Variants in AKT1 observed in about 807,000 individuals in gnomAD.
AKT1 encodes the protein RAC-alpha serine/threonine-protein kinase.
A neutral mutation model predicts 63.1 loss-of-function variants in AKT1; 21 were observed. That is an observed-to-expected ratio of 0.33 (90% CI 0.24 to 0.48). The LOEUF (loss-of-function observed/expected upper bound fraction) is 0.48. AKT1 is among the 20% of genes least tolerant of loss of function. AKT1 has a pLI of 0.99. For missense variants in AKT1, 382 were observed against 666.0 expected, an observed-to-expected ratio of 0.57 and a Z score of 4.69; for synonymous variants, 257 against 253.1, an observed-to-expected ratio of 1.02 and a Z score of -0.15.
chr14:104,782,413 G>A (rs975997002), intron 3 of AKT1, among the ~76,000 whole-genome samples: 1 of 151,812 alleles, frequency 6.6e-6, no homozygotes. Context: ...CTGCCCCCGA[G>A]CACGCAGCTC....
At position 104,769,650 on chromosome 14, in the gene AKT1, G is replaced by T. The variant is rs1173097222; in HGVS notation, c.*691C>A. On this transcript the variant is annotated 3_prime_UTR_variant, in exon 15 of 15. Coordinates refer to ENST00000649815, the MANE Select transcript of AKT1 (RefSeq NM_001382430.1). ...AACTGTGACACAGAAGGGGAAGGGG[G>T]AGGGCTTTCCTGTCACAAAGATTAA... is the stretch of plus-strand genomic sequence containing the variant. The T allele has an allele frequency of 2.0e-6, 1 of 495,280 alleles. No homozygotes were observed. The highest frequency in any genetic ancestry group is 3.9e-6 in the Non-Finnish European group (1 of 258,156). 30.7% of individuals were successfully genotyped at this position (495,280 alleles called of 1,614,324 possible).
Position 104,770,847 on chromosome 14 carries a change from G to A in AKT1, c.1261C>T (p.Leu421Phe), listed in dbSNP as rs1566815164. 6.2e-7 allele frequency: 1 copy of A among 1,613,848 alleles called. No homozygotes were observed. Among genetic ancestry groups the A allele is most frequent in the Non-Finnish European group, 8.5e-7 (1 of 1,179,832 alleles). ...IVWQHVYEKKLSPPFKPQVTS... is the reference protein window; with the variant it reads ...IVWQHVYEKKFSPPFKPQVTS... The stretch of plus-strand genomic sequence containing the variant: ...ACCTGGGGCTTGAAGGGTGGGCTGA[G>A]CTGCAGAGGTGGGCAGACGGGACAG... Residue 421 changes from leucine to phenylalanine, a missense_variant and splice_region_variant, in exon 14 of 15, where the codon CTC becomes TTC. Physicochemically the swap from Leu to Phe is conservative, Grantham distance 22. Coordinates refer to ENST00000649815, the MANE Select transcript of AKT1 (RefSeq NM_001382430.1).
chr14:104,786,850 C>G (rs1183345497), intron 3 of AKT1, among the ~76,000 whole-genome samples: 1 of 152,206 alleles, frequency 6.6e-6, no homozygotes, highest in Admixed American at 6.5e-5. Context: ...CTGCTGTGCC[C>G]CTGGCCCCAG....
chr14:104,775,081 C>T lies in AKT1; in HGVS notation c.562G>A (p.Ala188Thr), dbSNP rs144128670. Residue 188 changes from alanine (A) to threonine (T), a missense_variant, in exon 7 of 15, where the codon GCC (alanine) becomes ACC (threonine). Physicochemically the swap from Ala to Thr is moderately conservative, Grantham distance 58. This residue lies in a region of AKT1 where 226 missense variants were observed against 366.4 expected (regional missense o/e 0.62). Transcript: ENST00000649815. ...MKILKKEVIVAKDEVAHTLTE... is the reference protein window; with the variant it reads ...MKILKKEVIVTKDEVAHTLTE... Reference sequence around the variant, plus strand: ...CCCCACCGCCCCGGCCCCACCTTGGCCACGATGACTTCCTTCTTGAGGATC... The same window carrying T: ...CCCCACCGCCCCGGCCCCACCTTGGTCACGATGACTTCCTTCTTGAGGATC... The T allele has an allele frequency of 1.2e-6, 2 of 1,613,822 alleles. No homozygotes were observed. Among genetic ancestry groups the T allele is most frequent in the Non-Finnish European group, 1.7e-6 (2 of 1,180,018 alleles).
intron 13 of AKT1, 141 bp from the exon 14 acceptor site, chr14:104,770,988 C>T: frequency 1.4e-6 from 1 of 690,086 alleles, no homozygotes; most frequent in East Asian, 2.7e-5. Context: ...AGCAAGCCAC[C>T]AGCCCCCCAC....
chr14:104,786,713 G>A (rs918950954), intron 3 of AKT1, among the ~76,000 whole-genome samples: 6 of 152,116 alleles, frequency 3.9e-5, no homozygotes, highest in Non-Finnish European at 8.8e-5. Context: ...CCCAGAGCAC[G>A]GCCAGCTGTG....
At chr14:104,779,413 C>T (rs1892903499) in intron 4 of AKT1, among the ~76,000 whole-genome samples, 1 of 152,216 alleles carries the variant, frequency 6.6e-6, no homozygotes. Flanking sequence ...GAGCTGGAGA[C>T]CCCAATGGAC....
At chr14:104,780,977 C>T (rs79765363) in intron 3 of AKT1, among the ~76,000 whole-genome samples, 2,294 of 152,282 alleles carry the variant, frequency 0.015, 59 homozygotes, top group African/African-American at 0.052. Flanking sequence ...CAGGCCCTGC[C>T]GCCGTCGGCC....
chr14:104,769,576 C>G lies in AKT1; in HGVS notation c.*765G>C, dbSNP rs566677791. Reference sequence around the variant, plus strand: ...AAGCGTCGAAAAGGTCAAGTGCTACCGTGGAGAGATCATCTGAGGGGGAGG... The same window carrying G: ...AAGCGTCGAAAAGGTCAAGTGCTACGGTGGAGAGATCATCTGAGGGGGAGG... On this transcript the variant is annotated 3_prime_UTR_variant, in exon 15 of 15. Coordinates refer to ENST00000649815, the MANE Select transcript of AKT1 (RefSeq NM_001382430.1). 5.6e-6 allele frequency: 3 copies of G among 533,032 alleles called. No homozygotes were observed. The highest frequency in any genetic ancestry group is 1.9e-5 in the African/African-American group (1 of 53,520). 33.0% of individuals were successfully genotyped at this position (533,032 alleles called of 1,614,324 possible). A position where few individuals can be genotyped will look rare whatever the true frequency, so the allele number is the denominator to read the frequency against.
Position 104,785,897 on chromosome 14 carries a change from G to A in AKT1, c.47-5681C>T, listed in dbSNP as rs972804687. Among the ~76,000 whole-genome samples the A allele has an allele frequency of 3.9e-5, 6 of 152,214 alleles. 1 individual carries two copies. In the South Asian group the frequency reaches 1.2e-3, roughly 32 times the overall value. On this transcript the variant is annotated intron_variant, in intron 3 of 14. Coordinates refer to ENST00000649815, the MANE Select transcript of AKT1 (RefSeq NM_001382430.1). The stretch of plus-strand genomic sequence containing the variant: ...ACTCCAGGGAAGCACCTGGGTCTCA[G>A]CTTTCCATTCTCCTGGGGCTCTACT...
intron 3 of AKT1, among the ~76,000 whole-genome samples, chr14:104,782,448 CT>C (rs1407444387): frequency 2.6e-5 from 4 of 152,240 alleles, no homozygotes; most frequent in African/African-American, 9.6e-5. Flanking sequence ...AGCCTTGCCC[CT>C]GACCCTGCTG....
At chr14:104,782,976 C>G (rs542623175) in intron 3 of AKT1, among the ~76,000 whole-genome samples, 1 of 152,182 alleles carries the variant, frequency 6.6e-6, no homozygotes, top group Admixed American at 6.5e-5. Context: ...CCAGCCCCGA[C>G]AGCAGATGCG....
At chr14:104,773,205 G>A (rs763062980) in intron 11 of AKT1, 46 bp downstream of exon 11, 4 of 1,613,392 alleles carry the variant, frequency 2.5e-6, no homozygotes, top group East Asian at 4.5e-5. Flanking sequence ...GTGTGCTCAG[G>A]ACGTGGGGAC....
intron 9 of AKT1, 126 bp from the exon 10 acceptor site, chr14:104,773,706 G>C: frequency 2.1e-6 from 3 of 1,406,720 alleles, no homozygotes; most frequent in Non-Finnish European, 2.9e-6. Flanking sequence ...CAGAGGGCAC[G>C]GGGGCCTGGA....
At chr14:104,785,539 C>T (rs1403192025) in intron 3 of AKT1, among the ~76,000 whole-genome samples, 2 of 152,162 alleles carry the variant, frequency 1.3e-5, no homozygotes, top group Non-Finnish European at 2.9e-5. Context: ...CTCGCCCAGC[C>T]CAGGACCCAT....
At chr14:104,784,978 A>G (rs147409919) in intron 3 of AKT1, among the ~76,000 whole-genome samples, 1,986 of 152,324 alleles carry the variant, frequency 0.013, 30 homozygotes, top group African/African-American at 0.045. Flanking sequence ...AACACTTCGC[A>G]GAGACGGTGG....
At chr14:104,770,900 A>G (rs915011347) in intron 13 of AKT1, 53 bp from the exon 14 acceptor site, 4 of 1,537,622 alleles carry the variant, frequency 2.6e-6, no homozygotes, top group Non-Finnish European at 3.6e-6. Context: ...CACTCCCAGC[A>G]CACCCTCAAG....
At chr14:104,773,820 C>A in intron 9 of AKT1, 92 bp downstream of exon 9, 1 of 1,370,088 alleles carries the variant, frequency 7.3e-7, no homozygotes, top group Non-Finnish European at 1.0e-6. Context: ...CGTCTGGTGC[C>A]ATGGAGAGTA....
At chr14:104,792,954 C>T (rs1893704110) in intron 2 of AKT1, 173 bp downstream of exon 2, 1 of 543,942 alleles carries the variant, frequency 1.8e-6, no homozygotes, top group East Asian at 3.1e-5. Context: ...GAACACAGTT[C>T]CCTGGACCTG....
Sources: gnomAD v4.1 joint callset for allele counts (sites outside exome capture counted in the v4.1 genomes callset) on GRCh38, gnomAD v4.1.1 for gene constraint, gnomAD v4.1.1 regional missense constraint, MANE v1.5 for transcripts, NCBI Gene and HGNC (gene_info 2026-07-23, HGNC 2026-07-21) for gene names.